Variants in ADCY2 observed in about 807,000 individuals in gnomAD.
The protein encoded by ADCY2 is adenylate cyclase 2, also known as adenylate cyclase type 2.
Under a neutral mutation model 125.2 loss-of-function variants are expected in ADCY2, and 31 were observed. That is an observed-to-expected ratio of 0.25 (90% CI 0.19 to 0.33). ADCY2 has a LOEUF of 0.33. Ranked by LOEUF, ADCY2 falls within the 10% of genes least tolerant of loss-of-function variation. The pLI, the probability that ADCY2 is intolerant of heterozygous loss-of-function variation, is 1.00. For missense variants in ADCY2, 904 were observed against 1,418.2 expected, an observed-to-expected ratio of 0.64 and a Z score of 5.82; for synonymous variants, 512 against 548.4, an observed-to-expected ratio of 0.93 and a Z score of 0.93.
At chr5:7,685,733 G>A (rs1180087716) in intron 4 of ADCY2, among the ~76,000 whole-genome samples, 5 of 152,198 alleles carry the variant, frequency 3.3e-5, no homozygotes, top group Non-Finnish European at 5.9e-5. Flanking sequence ...ACTTGGAGAC[G>A]TGGAGCCTGC....
At chr5:7,678,866 A>T (rs1171433945) in intron 4 of ADCY2, among the ~76,000 whole-genome samples, 4 of 152,222 alleles carry the variant, frequency 2.6e-5, no homozygotes, top group African/African-American at 9.6e-5. Flanking sequence ...AAATCAGATT[A>T]TTTAATGAGT....
intron 3 of ADCY2, among the ~76,000 whole-genome samples, chr5:7,558,489 G>A (rs934984333): frequency 2.6e-5 from 4 of 152,166 alleles, no homozygotes; most frequent in East Asian, 1.9e-4. Flanking sequence ...ATCTTCTTTC[G>A]AAAAGGGTAT....
chr5:7,721,355 C>G (rs953046497), intron 12 of ADCY2, among the ~76,000 whole-genome samples: 2 of 152,180 alleles, frequency 1.3e-5, no homozygotes, highest in Non-Finnish European at 2.9e-5. Flanking sequence ...GTTGCCTGTT[C>G]ACTCTGATGG....
chr5:7,567,960 TC>T (rs1735958725), intron 3 of ADCY2, among the ~76,000 whole-genome samples: 2 of 151,266 alleles, frequency 1.3e-5, no homozygotes, highest in Admixed American at 6.6e-5. Flanking sequence ...TCTCTCTCTC[TC>T]TGTCAGATGT....
chr5:7,463,065 T>C (rs1229419865), intron 2 of ADCY2, among the ~76,000 whole-genome samples: 1 of 152,210 alleles, frequency 6.6e-6, no homozygotes, highest in African/African-American at 2.4e-5. Context: ...ACCCAACTTT[T>C]CCCTTTGAAT....
At chr5:7,758,705 A>G (rs528271144) in intron 16 of ADCY2, among the ~76,000 whole-genome samples, 14 of 106,296 alleles carry the variant, frequency 1.3e-4, no homozygotes, top group Non-Finnish European at 2.3e-4. Context: ...AGGTGAAGGC[A>G]GCAACAGAGG....
chr5:7,553,589 G>T (rs1735407886), intron 3 of ADCY2, among the ~76,000 whole-genome samples: 1 of 152,232 alleles, frequency 6.6e-6, no homozygotes, highest in Admixed American at 6.5e-5. Flanking sequence ...AAGTCAGTTG[G>T]GCCTGGGTAA....
intron 2 of ADCY2, among the ~76,000 whole-genome samples, chr5:7,505,704 G>GT (rs1216291743): frequency 6.6e-6 from 1 of 152,108 alleles, no homozygotes; most frequent in Non-Finnish European, 1.5e-5. Context: ...TCTTATTGTG[G>GT]TAAGAGCCCA....
chr5:7,723,943 A>AAG (rs1553981000), intron 12 of ADCY2, among the ~76,000 whole-genome samples: 81 of 143,896 alleles, frequency 5.6e-4, no homozygotes, highest in Non-Finnish European at 7.0e-4. Flanking sequence ...AAAAAAAAAA[A>AAG]AGAGAAAAGA....
intron 4 of ADCY2, among the ~76,000 whole-genome samples, chr5:7,635,257 G>A (rs181441266): frequency 1.3e-5 from 2 of 152,282 alleles, no homozygotes; most frequent in South Asian, 2.1e-4. Flanking sequence ...CCTAGTAGAG[G>A]ATGGGTTGGA....
chr5:7,493,959 G>A (rs972000648), intron 2 of ADCY2, among the ~76,000 whole-genome samples: 30 of 152,032 alleles, frequency 2.0e-4, no homozygotes, highest in African/African-American at 6.8e-4. Context: ...CCCCGGTCCC[G>A]GTGGAAACCA....
At chr5:7,711,051 G>A (rs1280946849) in intron 10 of ADCY2, among the ~76,000 whole-genome samples, 4 of 152,288 alleles carry the variant, frequency 2.6e-5, no homozygotes, top group African/African-American at 4.8e-5. Flanking sequence ...CTGCTGGACC[G>A]CTTCTAACCT....
At chr5:7,453,074 C>G (rs1017916825) in intron 2 of ADCY2, among the ~76,000 whole-genome samples, 4 of 152,128 alleles carry the variant, frequency 2.6e-5, no homozygotes, top group Non-Finnish European at 5.9e-5. Context: ...ATGATTATTT[C>G]TTTTGCTGTG....
chr5:7,450,338 A>C (rs1741427520), intron 2 of ADCY2, among the ~76,000 whole-genome samples: 1 of 152,210 alleles, frequency 6.6e-6, no homozygotes, highest in East Asian at 1.9e-4. Context: ...ATATAGAGAA[A>C]GTTTGAGTGG....
At chr5:7,799,910 T>C (rs1004400234) in intron 20 of ADCY2, 1 of 152,146 alleles carries the variant, frequency 6.6e-6, no homozygotes, top group Non-Finnish European at 1.5e-5. Context: ...CAGTTCAGTC[T>C]TGCATTTCAT....
At chr5:7,556,253 T>C (rs760874886) in intron 3 of ADCY2, among the ~76,000 whole-genome samples, 3 of 152,180 alleles carry the variant, frequency 2.0e-5, no homozygotes, top group Non-Finnish European at 2.9e-5. Flanking sequence ...AATTCATTCA[T>C]CAGTCAGTGA....
At chr5:7,679,684 C>CTGGGCACATGGGCAGA (rs1740264653) in intron 4 of ADCY2, among the ~76,000 whole-genome samples, 1 of 152,190 alleles carries the variant, frequency 6.6e-6, no homozygotes, top group Admixed American at 6.5e-5. Flanking sequence ...GCATGGGCAG[C>CTGGGCACATGGGCAGA]TGGGCACATG....
chr5:7,456,258 T>C (rs1444373035), intron 2 of ADCY2, among the ~76,000 whole-genome samples: 1 of 152,192 alleles, frequency 6.6e-6, no homozygotes, highest in Non-Finnish European at 1.5e-5. Context: ...ATGAATTTGG[T>C]ATTGATTTAA....
intron 4 of ADCY2, among the ~76,000 whole-genome samples, chr5:7,648,746 T>C (rs1738983223): frequency 6.6e-6 from 1 of 152,244 alleles, no homozygotes; most frequent in Non-Finnish European, 1.5e-5. Context: ...TTTAATATGA[T>C]TTTGATAAGC....
Sources: allele counts gnomAD v4.1 joint callset (sites outside exome capture counted in the v4.1 genomes callset), GRCh38; gene constraint gnomAD v4.1.1; transcripts MANE v1.5; gene names NCBI Gene and HGNC (gene_info 2026-07-23, HGNC 2026-07-21).